Variants in ZNF182 observed in about 807,000 individuals in gnomAD.
ZNF182 encodes zinc finger protein 182, also known as zinc finger protein 21 (KOX 14).
In ZNF182, 10 loss-of-function variants were observed where a neutral mutation model predicts 28.1. That is an observed-to-expected ratio of 0.36 (90% confidence interval 0.22 to 0.60). The LOEUF (loss-of-function observed/expected upper bound fraction) is 0.60. Ranked by LOEUF, ZNF182 falls within the 20% of genes least tolerant of loss-of-function variation. The pLI, the probability that ZNF182 is intolerant of heterozygous loss-of-function variation, is 0.75. For missense variants in ZNF182, 352 were observed against 453.2 expected (o/e 0.78, Z 2.03); for synonymous variants, 156 against 158.7 (o/e 0.98, Z 0.13).
chrX:47,992,986 C>T (rs1443523875), intron 3 of ZNF182, among the ~76,000 whole-genome samples: 1 of 112,772 alleles, frequency 8.9e-6, no homozygotes, highest in African/African-American at 3.2e-5. Flanking sequence ...CATTTGTAAA[C>T]ACCCACAACC....
intron 3 of ZNF182, chrX:47,988,456 A>G: frequency 2.5e-6 from 1 of 402,472 alleles, no homozygotes; most frequent in South Asian, 5.1e-5. Context: ...TTCAGACGAG[A>G]TCCGGTTGTT....
intron 3 of ZNF182, among the ~76,000 whole-genome samples, chrX:47,990,124 C>T (rs1194216501): frequency 9.0e-6 from 1 of 110,518 alleles, no homozygotes; most frequent in Admixed American, 9.7e-5. Flanking sequence ...CAGCAACTGA[C>T]AAAATAATAA....
chrX:47,999,567 G>A (rs782738774), intron 3 of ZNF182, among the ~76,000 whole-genome samples: 1 of 110,136 alleles, frequency 9.1e-6, no homozygotes, highest in African/African-American at 3.3e-5. Context: ...GAAGGGTTGC[G>A]GGGTGGGTAG....
chrX:47,982,535 A>T (rs2058909570), intron 5 of ZNF182, among the ~76,000 whole-genome samples: 2 of 112,204 alleles, frequency 1.8e-5, no homozygotes, highest in African/African-American at 3.2e-5. Context: ...AATCTGACAA[A>T]TATCTAAACT....
chrX:48,000,959 A>C (rs1366724505), intron 3 of ZNF182, among the ~76,000 whole-genome samples: 1 of 112,443 alleles, frequency 8.9e-6, no homozygotes, highest in African/African-American at 3.2e-5. Context: ...GCATATATAA[A>C]GATGCTTAAC....
At position 48,003,634 on chromosome X, in the gene ZNF182, G is replaced by A. The variant is rs1294283118; in HGVS notation, c.-171C>T. On this transcript the variant is annotated 5_prime_UTR_variant, in exon 2 of 6. Coordinates refer to ENST00000376943, the MANE Select transcript of ZNF182 (RefSeq NM_001007088.2). ...GCTTGGGCAAGGGGAGAGGGCAGAGGGAGAAGCGGGGCGCGTCTAAAGAGG... is the reference window on the plus strand; with the variant it reads ...GCTTGGGCAAGGGGAGAGGGCAGAGAGAGAAGCGGGGCGCGTCTAAAGAGG... 1 of 112,315 alleles carries A rather than the reference G, an allele frequency of 8.9e-6. No homozygotes were observed. Among genetic ancestry groups the A allele is most frequent in the Non-Finnish European group, 1.9e-5 (1 of 53,251 alleles). 9.3% of individuals were successfully genotyped at this position (112,315 alleles called of 1,213,427 possible). A position where few individuals can be genotyped will look rare whatever the true frequency, so the allele number is the denominator to read the frequency against.
Position 47,976,134 on chromosome X carries a change from C to A in ZNF182, c.*33G>T, listed in dbSNP as rs782329017. On this transcript the variant is annotated 3_prime_UTR_variant, in exon 6 of 6. Coordinates refer to ENST00000376943, the MANE Select transcript of ZNF182 (RefSeq NM_001007088.2). ...GAGTAAAATTGACACAACTTTCTTT[C>A]AGTGTCCATAATAGATACTGCTGAT... 80 of 1,061,995 alleles carry A rather than the reference C, an allele frequency of 7.5e-5. No homozygotes were observed. Among genetic ancestry groups the A allele is most frequent in the Non-Finnish European group, 7.7e-5 (63 of 815,407 alleles). 87.5% of individuals were successfully genotyped at this position (1,061,995 alleles called of 1,213,427 possible).
intron 3 of ZNF182, chrX:47,988,650 C>T: frequency 2.9e-6 from 1 of 347,389 alleles, no homozygotes; most frequent in Non-Finnish European, 5.1e-6. Flanking sequence ...TTCTTTATAA[C>T]TTTTTTTTTC....
chrX:47,982,505 T>C (rs1406910147), intron 5 of ZNF182, among the ~76,000 whole-genome samples: 1 of 112,167 alleles, frequency 8.9e-6, no homozygotes, highest in Non-Finnish European at 1.9e-5. Context: ...AAAAAATAGA[T>C]AAGATGTTTT....
rs781923106 is a variant in ZNF182, at chrX:47,998,562, C to T, written c.15+4033G>A. Among the ~76,000 whole-genome samples the T allele has an allele frequency of 9.8e-5, 11 of 112,308 alleles. No homozygotes were observed. In the East Asian group the frequency reaches 2.0e-3, roughly 20 times the overall value. On this transcript the variant is annotated intron_variant, in intron 3 of 5. Transcript: ENST00000376943. ...AAAATGTGTGGGATGCAGCTAAAGACGTGCTTAGAGGAGGCCGGGTGTGGT... is the reference window on the plus strand; with the variant it reads ...AAAATGTGTGGGATGCAGCTAAAGATGTGCTTAGAGGAGGCCGGGTGTGGT...
At chrX:47,995,191 G>T (rs2146471121) in intron 3 of ZNF182, among the ~76,000 whole-genome samples, 1 of 109,799 alleles carries the variant, frequency 9.1e-6, no homozygotes, top group Admixed American at 9.7e-5. Context: ...AATTAGCTGG[G>T]TGTGGTGGTG....
At chrX:47,984,833 T>C (rs1424896944) in intron 3 of ZNF182, among the ~76,000 whole-genome samples, 3 of 111,991 alleles carry the variant, frequency 2.7e-5, no homozygotes, top group African/African-American at 9.7e-5. Flanking sequence ...GCAAAAGAGA[T>C]ACTTCACCAT....
chrX:47,982,637 C>T (rs1434424176), intron 5 of ZNF182, among the ~76,000 whole-genome samples: 6 of 111,420 alleles, frequency 5.4e-5, no homozygotes, highest in Admixed American at 9.6e-5. Context: ...TTATATAAGT[C>T]GGTGACAGGT....
intron 5 of ZNF182, among the ~76,000 whole-genome samples, chrX:47,980,920 A>G (rs186380617): frequency 1.1e-4 from 12 of 112,003 alleles, no homozygotes; most frequent in Non-Finnish European, 2.3e-4. Context: ...CCATGCTGGA[A>G]AGTCTTGATT....
intron 3 of ZNF182, among the ~76,000 whole-genome samples, chrX:47,996,851 T>C (rs1228038568): frequency 4.5e-5 from 5 of 111,816 alleles, no homozygotes; most frequent in Non-Finnish European, 3.8e-5. Context: ...AGCAAGAAGG[T>C]GGCCATCTGC....
At chrX:47,997,173 G>T (rs1556901225) in intron 3 of ZNF182, among the ~76,000 whole-genome samples, 1 of 107,584 alleles carries the variant, frequency 9.3e-6, no homozygotes, top group Non-Finnish European at 1.9e-5. Context: ...CAAAAAATTA[G>T]CCAGTCGTGG....
At chrX:47,979,856 G>A (rs2146458634) in intron 5 of ZNF182, among the ~76,000 whole-genome samples, 1 of 86,572 alleles carries the variant, frequency 1.2e-5, no homozygotes, top group African/African-American at 4.2e-5. Flanking sequence ...GGTTTTTAAA[G>A]TGTGTGTGGG....
intron 3 of ZNF182, among the ~76,000 whole-genome samples, chrX:47,997,328 A>C (rs1369122268): frequency 3.7e-5 from 4 of 109,241 alleles, no homozygotes; most frequent in African/African-American, 1.3e-4. Flanking sequence ...AAAAAAAAAA[A>C]AAAACACAAC....
chrX:47,997,054 C>T (rs1452416577), intron 3 of ZNF182, among the ~76,000 whole-genome samples: 1 of 111,357 alleles, frequency 9.0e-6, no homozygotes, highest in South Asian at 3.8e-4. Context: ...TGGCCGGGCA[C>T]GGTGGCTCAC....
Sources: allele counts gnomAD v4.1 joint callset (sites outside exome capture counted in the v4.1 genomes callset), GRCh38; gene constraint gnomAD v4.1.1; transcripts MANE v1.5; gene names NCBI Gene and HGNC (gene_info 2026-07-23, HGNC 2026-07-21).